The following PRKN variants were observed in gnomAD, a reference collection of about 807,000 sequenced individuals.
The protein encoded by PRKN is parkin RBR E3 ubiquitin protein ligase, also known as E3 ubiquitin-protein ligase parkin.
Under a neutral mutation model 59.5 loss-of-function variants are expected in PRKN, and 56 were observed. The observed-to-expected ratio is 0.94, with a 90% CI of 0.76 to 1.18. The LOEUF is 1.18. Among genes scored for constraint, PRKN ranks in the 50% most tolerant of loss-of-function variants. The pLI is 0.00. For missense variants in PRKN, 657 were observed against 596.4 expected (o/e 1.10, Z -1.06); for synonymous variants, 250 against 222.1 (o/e 1.13, Z -1.12).
chr6:162,293,100 A>T (rs2128110001), intron 2 of PRKN, among the ~76,000 whole-genome samples: 1 of 152,346 alleles, frequency 6.6e-6, no homozygotes, highest in Middle Eastern at 3.4e-3. Flanking sequence ...GTAAGATATT[A>T]ACAAGCTTCA....
At chr6:161,845,265 G>A (rs1229407513) in intron 6 of PRKN, among the ~76,000 whole-genome samples, 1 of 152,168 alleles carries the variant, frequency 6.6e-6, no homozygotes, top group African/African-American at 2.4e-5. Context: ...CCTCTAGGCT[G>A]GTGGCGTCTG....
intron 9 of PRKN, among the ~76,000 whole-genome samples, chr6:161,464,381 C>G (rs1425384886): frequency 6.6e-6 from 1 of 152,202 alleles, no homozygotes; most frequent in Non-Finnish European, 1.5e-5. Flanking sequence ...ATGGAAGTCA[C>G]ATTTCATTCC....
At position 162,193,318 on chromosome 6, in the gene PRKN, G is replaced by A. The variant is rs189915664; in HGVS notation, c.534+7813C>T. Reference sequence around the variant, plus strand: ...TAACAACGAATTGGCTAAAATTGCCGGCAGCTCAGCTAGATACCATTTTAC... The same window carrying A: ...TAACAACGAATTGGCTAAAATTGCCAGCAGCTCAGCTAGATACCATTTTAC... On this transcript the variant is annotated intron_variant, in intron 4 of 11. Coordinates refer to ENST00000366898, the MANE Select transcript of PRKN (RefSeq NM_004562.3). 3.3e-4 allele frequency among the ~76,000 whole-genome samples: 51 copies of A among 152,258 alleles called. No individual in the cohort carries two copies. The East Asian group carries it at 7.7e-3, about 23-fold the overall frequency.
At chr6:162,400,603 C>T (rs528306994) in intron 2 of PRKN, among the ~76,000 whole-genome samples, 1 of 151,474 alleles carries the variant, frequency 6.6e-6, no homozygotes, top group Admixed American at 6.6e-5. Flanking sequence ...AATAATAGAA[C>T]TAAGACTGAA....
chr6:162,574,762 A>T (rs1463833856), intron 1 of PRKN, among the ~76,000 whole-genome samples: 3 of 34,044 alleles, frequency 8.8e-5, no homozygotes, highest in Admixed American at 5.8e-4. Context: ...GAATGATACT[A>T]AGTTGTTTTT....
intron 1 of PRKN, among the ~76,000 whole-genome samples, chr6:162,533,443 G>A (rs1164285671): frequency 1.3e-5 from 2 of 152,126 alleles, no homozygotes; most frequent in Non-Finnish European, 2.9e-5. Context: ...CAGGAGAATT[G>A]TTTGAACCCA....
rs371250115 is a variant in PRKN at position 161,355,567 on chromosome 6, A to AT, written c.1285+4520dup. On this transcript the variant is annotated intron_variant, in intron 11 of 11. Transcript: ENST00000366898. The surrounding 1 kb of genome is among the most constrained non-coding windows in gnomAD (Gnocchi z 6.8). ...CAGGTGCCTGCCACCACACCTAGCT[A>AT]TTTTTTTTTTGTATTTTTACTAGAG... Among the ~76,000 whole-genome samples the AT allele has an allele frequency of 0.14, 20,341 of 148,422 alleles. 1,483 individuals carry two copies. The highest frequency in any genetic ancestry group is 0.21 in the South Asian group (966 of 4,660).
At chr6:161,537,669 T>C (rs1300304494) in intron 9 of PRKN, among the ~76,000 whole-genome samples, 1 of 152,162 alleles carries the variant, frequency 6.6e-6, no homozygotes, top group Non-Finnish European at 1.5e-5. Context: ...GCCTGGATGG[T>C]CTCGATCTCC....
At chr6:161,885,543 T>C (rs1201570766) in intron 6 of PRKN, among the ~76,000 whole-genome samples, 2 of 151,760 alleles carry the variant, frequency 1.3e-5, no homozygotes, top group African/African-American at 2.4e-5. Context: ...CGGGCCCCTG[T>C]AGTCCCAGCT....
At chr6:161,918,473 T>C (rs1778659185) in intron 6 of PRKN, among the ~76,000 whole-genome samples, 1 of 152,188 alleles carries the variant, frequency 6.6e-6, no homozygotes, top group Admixed American at 6.5e-5. Context: ...TCGACAAATA[T>C]ATACAATGAA....
At position 161,588,383 on chromosome 6, in the gene PRKN, C is replaced by T. The variant is rs1026604513; in HGVS notation, c.872-18967G>A. Among the ~76,000 whole-genome samples, 1 of 74,054 alleles carries T rather than the reference C, an allele frequency of 1.4e-5. No individual in the cohort carries two copies. Among genetic ancestry groups the T allele is most frequent in the Non-Finnish European group, 2.3e-5 (1 of 42,558 alleles). The allele number at this position is 74,054 out of a possible 152,430, so 48.6% of individuals were successfully genotyped here. A position where few individuals can be genotyped will look rare whatever the true frequency, so the allele number is the denominator to read the frequency against. Reference sequence around the variant, plus strand: ...CAACAAGAGCGAAACTCTGTCCCCTCGCCAAAAAAAAAAAATTTACTCTAT... The same window carrying T: ...CAACAAGAGCGAAACTCTGTCCCCTTGCCAAAAAAAAAAAATTTACTCTAT... On this transcript the variant is annotated intron_variant, in intron 7 of 11. Coordinates refer to ENST00000366898, the MANE Select transcript of PRKN (RefSeq NM_004562.3). The surrounding 1 kb of genome is among the most constrained non-coding windows in gnomAD (Gnocchi z 5.0).
chr6:162,216,132 T>A lies in PRKN; in HGVS notation c.413-14880A>T, dbSNP rs182109377. Among the ~76,000 whole-genome samples, 4 of 152,284 alleles carry A rather than the reference T, an allele frequency of 2.6e-5. No individual in the cohort carries two copies. The East Asian group carries it at 7.7e-4, about 29-fold the overall frequency. On this transcript the variant is annotated intron_variant, in intron 3 of 11. Transcript: ENST00000366898. ...GGATGGGGAATAGCTGCAGCCACTATCTGCAGGAAACACTATCATTGTCTG... is the reference window on the plus strand; with the variant it reads ...GGATGGGGAATAGCTGCAGCCACTAACTGCAGGAAACACTATCATTGTCTG...
In PRKN at chr6:162,300,498, G is replaced by GT. The variant is rs112734363; in HGVS notation, c.172-37734dup. ...TGAAGAATGTTATGCAGCTCTCTGC[G>GT]TTTTTTTTTTCTTTTTATGTCTAAA... On this transcript the variant is annotated intron_variant, in intron 2 of 11. Coordinates refer to ENST00000366898, the MANE Select transcript of PRKN (RefSeq NM_004562.3). Among the ~76,000 whole-genome samples the GT allele has an allele frequency of 6.6e-3, 980 of 148,630 alleles. 11 individuals carry two copies. The highest frequency in any genetic ancestry group is 0.011 in the African/African-American group (450 of 40,622).
At chr6:162,677,509 A>C (rs1422596357) in intron 1 of PRKN, among the ~76,000 whole-genome samples, 1 of 149,136 alleles carries the variant, frequency 6.7e-6, no homozygotes, top group Non-Finnish European at 1.5e-5. Flanking sequence ...ACCTGAAATT[A>C]TCATATTTAA....
chr6:161,522,114 G>T (rs929384282), intron 9 of PRKN, among the ~76,000 whole-genome samples: 2 of 152,100 alleles, frequency 1.3e-5, no homozygotes, highest in Non-Finnish European at 2.9e-5. Context: ...TTAAAAAGCC[G>T]AGTTGGTTTT....
At position 161,402,106 on chromosome 6, in the gene PRKN, C is replaced by A. The variant is rs1185867502; in HGVS notation, c.1084-15229G>T. Among the ~76,000 whole-genome samples the A allele has an allele frequency of 6.6e-6, 1 of 152,102 alleles. No homozygotes were observed. Among genetic ancestry groups the A allele is most frequent in the Non-Finnish European group, 1.5e-5 (1 of 68,030 alleles). On this transcript the variant is annotated intron_variant, in intron 9 of 11. Transcript: ENST00000366898. This position sits in a 1 kb window ranked among gnomAD's most constrained non-coding sequence, Gnocchi z 4.5. ...GAGCTGATTGTCATCACCGCCCTGA[C>A]AGTCTCAGTGGCAGGCCAGGCTCTA...
intron 1 of PRKN, among the ~76,000 whole-genome samples, chr6:162,482,663 A>G (rs1213415221): frequency 6.6e-6 from 1 of 152,234 alleles, no homozygotes; most frequent in African/African-American, 2.4e-5. Flanking sequence ...AGAAAAATAC[A>G]TGAACCAAGT....
intron 3 of PRKN, among the ~76,000 whole-genome samples, chr6:162,214,851 T>C (rs1305470166): frequency 2.0e-5 from 3 of 152,252 alleles, no homozygotes; most frequent in Non-Finnish European, 4.4e-5. Flanking sequence ...ATTTGCTTTA[T>C]AATTTTACCT....
intron 2 of PRKN, among the ~76,000 whole-genome samples, chr6:162,335,850 T>G (rs7743612): frequency 6.6e-6 from 1 of 151,572 alleles, no homozygotes. Flanking sequence ...GGCCAACTCT[T>G]CCAGCAAAGA....
Sources: gnomAD v4.1 joint callset for allele counts (sites outside exome capture counted in the v4.1 genomes callset) on GRCh38, gnomAD v4.1.1 for gene constraint, Gnocchi (gnomAD v3.1) non-coding constraint, MANE v1.5 for transcripts, NCBI Gene and HGNC (gene_info 2026-07-23, HGNC 2026-07-21) for gene names.